MROH9: variants seen among roughly 807,000 people sequenced by gnomAD.
MROH9 encodes the protein maestro heat like repeat family member 9, also known as maestro heat-like repeat-containing protein family member 9.
MROH9 carries 92 observed loss-of-function variants against 98.2 expected under a neutral mutation model. The observed-to-expected ratio is 0.94, with a 90% CI of 0.79 to 1.11. The LOEUF (loss-of-function observed/expected upper bound fraction) is 1.11, where lower values mean the gene tolerates loss of function less well. Ranked by LOEUF, MROH9 falls within the 50% of genes most tolerant of loss-of-function variation. The pLI is 0.00. For missense variants in MROH9, 1,057 were observed against 1,014.8 expected, an observed-to-expected ratio of 1.04 and a Z score of -0.57; for synonymous variants, 397 against 368.9, an observed-to-expected ratio of 1.08 and a Z score of -0.87.
chr1:171,009,021 ATAAAATATAAGGATTT>A (rs1452862021), intron 15 of MROH9, among the ~76,000 whole-genome samples: 26 of 149,510 alleles, frequency 1.7e-4, no homozygotes, highest in Non-Finnish European at 3.1e-4. Context: ...ATTATATATT[ATAAAATATAAGGATTT>A]TAAAATATAA....
At chr1:170,981,066 G>A (rs1463823733) in intron 8 of MROH9, among the ~76,000 whole-genome samples, 2 of 152,132 alleles carry the variant, frequency 1.3e-5, no homozygotes, top group African/African-American at 4.8e-5. Flanking sequence ...ACCACAATGA[G>A]ATAACATCTC....
At chr1:170,996,278 G>A (rs1331120738) in intron 13 of MROH9, among the ~76,000 whole-genome samples, 3 of 152,146 alleles carry the variant, frequency 2.0e-5, no homozygotes, top group Non-Finnish European at 4.4e-5. Flanking sequence ...CAAATAAGGT[G>A]TTCTGCGATT....
chr1:171,038,294 A>G (rs1440778014), intron 20 of MROH9, among the ~76,000 whole-genome samples: 1 of 152,176 alleles, frequency 6.6e-6, no homozygotes, highest in Non-Finnish European at 1.5e-5. Context: ...TTTTTCCAAA[A>G]GTGATGCAAA....
intron 3 of MROH9, among the ~76,000 whole-genome samples, chr1:170,952,687 C>T (rs1649603320): frequency 6.6e-6 from 1 of 151,730 alleles, no homozygotes; most frequent in South Asian, 2.1e-4. Context: ...CAACATGGCA[C>T]ATGTATACAT....
chr1:170,968,200 G>A (rs1367668323), intron 7 of MROH9, among the ~76,000 whole-genome samples: 1 of 152,084 alleles, frequency 6.6e-6, no homozygotes, highest in South Asian at 2.1e-4. Flanking sequence ...AATGATAAGG[G>A]CTGGGAGTCA....
Position 170,947,570 on chromosome 1 carries a change from C to A in MROH9, c.69C>A (p.His23Gln), listed in dbSNP as rs1394075571. ...TGCAAGACAGTGTGAAATGGCACCA[C>A]ATGGTAAGTGATATTCTATAAGGAT... The part of the protein sequence containing the change: ...QILQDSVKWH[H>Q]MAHKVNSLLD... The change falls in exon 3 of 22, where the codon CAC becomes CAA. Residue 23 changes from histidine to glutamine, a missense_variant. His to Gln is a conservative substitution (Grantham distance 24). Transcript: ENST00000367759. 1 of 1,609,384 alleles carries A rather than the reference C, an allele frequency of 6.2e-7. No homozygotes were observed. Among genetic ancestry groups the A allele is most frequent in the African/African-American group, 1.3e-5 (1 of 74,680 alleles).
rs966097381 is a variant in MROH9, at chr1:170,990,071, TG to T, written c.1028+71del. 5 of 1,462,236 alleles carry T rather than the reference TG, an allele frequency of 3.4e-6. No homozygotes were observed. The African/African-American group carries it at 7.1e-5, about 21-fold the overall frequency. 90.6% of individuals were successfully genotyped at this position (1,462,236 alleles called of 1,614,324 possible). On this transcript the variant is annotated intron_variant, in intron 11 of 21. Transcript: ENST00000367759. The stretch of plus-strand genomic sequence containing the variant: ...CACAGGCTGCACTGTCAGATGGACC[TG>T]GGTTCAACTCTCAATCTACCATAGT...
intron 20 of MROH9, among the ~76,000 whole-genome samples, chr1:171,057,283 G>T (rs1653870540): frequency 6.6e-6 from 1 of 152,146 alleles, no homozygotes; most frequent in South Asian, 2.1e-4. Context: ...TGACCTAATG[G>T]AGCTGAAAAA....
At position 170,943,310 on chromosome 1, in the gene MROH9, G is replaced by A. The variant is rs1414652034; in HGVS notation, c.-37-2210G>A. Among the ~76,000 whole-genome samples, 8 of 151,740 alleles carry A rather than the reference G, an allele frequency of 5.3e-5. No homozygotes were observed. The East Asian group carries it at 1.4e-3, about 26-fold the overall frequency. On this transcript the variant is annotated intron_variant, in intron 1 of 21. Coordinates refer to ENST00000367759, the MANE Select transcript of MROH9 (RefSeq NM_001163629.2). The stretch of plus-strand genomic sequence containing the variant: ...TTAAAAATACTCCAAAAGCAATGTT[G>A]GAAACAGTGCAAAGAAAATGAATAT...
intron 8 of MROH9, among the ~76,000 whole-genome samples, chr1:170,974,291 G>A (rs998290597): frequency 6.6e-6 from 1 of 151,978 alleles, no homozygotes; most frequent in African/African-American, 2.4e-5. Context: ...TGTAATAAAA[G>A]CTATAAACTC....
At chr1:171,056,723 G>A (rs1483120923) in intron 20 of MROH9, among the ~76,000 whole-genome samples, 2 of 152,136 alleles carry the variant, frequency 1.3e-5, no homozygotes, top group Non-Finnish European at 2.9e-5. Flanking sequence ...GATCCAACTG[G>A]CATCAGGTCA....
At chr1:171,010,998 TTA>T (rs757383935) in intron 15 of MROH9, among the ~76,000 whole-genome samples, 11 of 152,340 alleles carry the variant, frequency 7.2e-5, no homozygotes, top group Middle Eastern at 3.4e-3. Flanking sequence ...TTTTGGTGTT[TTA>T]GACATGAAGT....
chr1:170,944,237 G>T (rs538145263), intron 1 of MROH9, among the ~76,000 whole-genome samples: 1 of 151,914 alleles, frequency 6.6e-6, no homozygotes, highest in East Asian at 1.9e-4. Context: ...CTAAAGTTTT[G>T]AGGAATAAAT....
intron 17 of MROH9, among the ~76,000 whole-genome samples, chr1:171,019,372 G>T (rs979190343): frequency 6.6e-6 from 1 of 151,902 alleles, no homozygotes; most frequent in Non-Finnish European, 1.5e-5. Context: ...TAGAAACATC[G>T]GCCAGGAGAA....
intron 15 of MROH9, among the ~76,000 whole-genome samples, chr1:170,999,956 T>A (rs1358721056): frequency 6.6e-6 from 1 of 152,258 alleles, no homozygotes; most frequent in Non-Finnish European, 1.5e-5. Flanking sequence ...TTTTTTCATA[T>A]GTTTGTTGGC....
At chr1:170,977,751 C>T (rs779855935) in intron 8 of MROH9, among the ~76,000 whole-genome samples, 4 of 152,166 alleles carry the variant, frequency 2.6e-5, no homozygotes, top group African/African-American at 4.8e-5. Context: ...CTCCCCAACT[C>T]GGAGGCAGCA....
At chr1:171,029,314 G>A (rs1301276038) in intron 20 of MROH9, among the ~76,000 whole-genome samples, 3 of 151,938 alleles carry the variant, frequency 2.0e-5, no homozygotes, top group East Asian at 3.9e-4. Flanking sequence ...AGGTTCCAGC[G>A]ATTCTCCTGC....
chr1:170,966,711 C>T (rs548645621), intron 7 of MROH9, among the ~76,000 whole-genome samples: 25 of 152,150 alleles, frequency 1.6e-4, no homozygotes, highest in African/African-American at 6.0e-4. Context: ...TTCAGTGTCC[C>T]AAAAAAGAGA....
At chr1:171,032,015 A>C (rs1652931343) in intron 20 of MROH9, among the ~76,000 whole-genome samples, 1 of 151,972 alleles carries the variant, frequency 6.6e-6, no homozygotes, top group Non-Finnish European at 1.5e-5. Context: ...TGCATGCCTT[A>C]TTTCAGTAAG....
Sources: gnomAD v4.1 joint callset for allele counts (sites outside exome capture counted in the v4.1 genomes callset) on GRCh38, gnomAD v4.1.1 for gene constraint, MANE v1.5 for transcripts, NCBI Gene and HGNC (gene_info 2026-07-23, HGNC 2026-07-21) for gene names.